Variants in KIAA0825 observed in about 807,000 individuals in gnomAD.
KIAA0825 encodes uncharacterized protein KIAA0825.
A neutral mutation model predicts 147.6 loss-of-function variants in KIAA0825; 119 were observed. The ratio of observed to expected loss-of-function variants is 0.81; its 90% CI spans 0.69 to 0.94. The LOEUF (loss-of-function observed/expected upper bound fraction) is 0.94. Among genes scored for constraint, KIAA0825 ranks in the 40% least tolerant of loss-of-function variants. The pLI is 0.00. For synonymous variants in KIAA0825, 470 were observed against 518.1 expected (o/e 0.91, Z 1.26); for missense variants, 1,381 against 1,472.7 (o/e 0.94, Z 1.02).
chr5:94,226,268 T>G (rs1479917336), intron 20 of KIAA0825, among the ~76,000 whole-genome samples: 1 of 152,078 alleles, frequency 6.6e-6, no homozygotes, highest in African/African-American at 2.4e-5. Context: ...GAAAAAATGC[T>G]CATCATCACT....
At chr5:94,212,661 T>C (rs12108963) in intron 20 of KIAA0825, among the ~76,000 whole-genome samples, 2,243 of 152,262 alleles carry the variant, frequency 0.015, 62 homozygotes, top group African/African-American at 0.05. Flanking sequence ...GCTGCATGTA[T>C]AGTGAATTTG....
intron 20 of KIAA0825, among the ~76,000 whole-genome samples, chr5:94,359,992 A>G (rs1441639990): frequency 6.6e-6 from 1 of 152,214 alleles, no homozygotes; most frequent in African/African-American, 2.4e-5. Flanking sequence ...CACTCAATAT[A>G]AAACTATTTT....
intron 12 of KIAA0825, among the ~76,000 whole-genome samples, chr5:94,453,617 C>T (rs1413243656): frequency 1.3e-5 from 2 of 152,022 alleles, no homozygotes; most frequent in African/African-American, 4.8e-5. Flanking sequence ...TGAAAAACCA[C>T]AAGTTGAGAT....
chr5:94,438,945 G>T (rs1756721132), intron 14 of KIAA0825, among the ~76,000 whole-genome samples: 1 of 152,196 alleles, frequency 6.6e-6, no homozygotes. Context: ...GGGAGCAAGA[G>T]ATTAGCGTTA....
At chr5:94,379,064 C>T (rs1748004903) in intron 20 of KIAA0825, among the ~76,000 whole-genome samples, 1 of 152,114 alleles carries the variant, frequency 6.6e-6, no homozygotes. Flanking sequence ...TTTCTGTTTA[C>T]TCTGATGATA....
chr5:94,433,608 G>C (rs1352089522), intron 14 of KIAA0825, among the ~76,000 whole-genome samples: 1 of 152,122 alleles, frequency 6.6e-6, no homozygotes, highest in Non-Finnish European at 1.5e-5. Flanking sequence ...ATCCTTCTTT[G>C]TCATTTACTA....
At chr5:94,579,773 T>A (rs1383265381) in intron 2 of KIAA0825, among the ~76,000 whole-genome samples, 1 of 152,200 alleles carries the variant, frequency 6.6e-6, no homozygotes, top group Non-Finnish European at 1.5e-5. Context: ...CATTTTAGTT[T>A]AAAAAATTTT....
chr5:94,496,956 C>T (rs1262854883), intron 5 of KIAA0825, among the ~76,000 whole-genome samples: 1 of 152,216 alleles, frequency 6.6e-6, no homozygotes, highest in Non-Finnish European at 1.5e-5. Flanking sequence ...TCCCATGTCT[C>T]ATTTGCTGGC....
intron 5 of KIAA0825, among the ~76,000 whole-genome samples, chr5:94,514,336 G>A: frequency 6.6e-6 from 1 of 151,814 alleles, no homozygotes. Flanking sequence ...GCAAAGTCTT[G>A]GATTTTTTTT....
chr5:94,337,414 C>T (rs1314499456), intron 20 of KIAA0825, among the ~76,000 whole-genome samples: 2 of 152,102 alleles, frequency 1.3e-5, no homozygotes, highest in Admixed American at 6.5e-5. Context: ...CTTACCCTAC[C>T]ACTCATAAAT....
intron 20 of KIAA0825, among the ~76,000 whole-genome samples, chr5:94,301,902 T>C (rs1778425601): frequency 6.6e-6 from 1 of 152,198 alleles, no homozygotes; most frequent in Non-Finnish European, 1.5e-5. Flanking sequence ...TCAAATGAGC[T>C]GGTCTCCTTT....
chr5:94,605,153 T>C (rs1009526329), intron 1 of KIAA0825, among the ~76,000 whole-genome samples: 1 of 152,112 alleles, frequency 6.6e-6, no homozygotes, highest in Non-Finnish European at 1.5e-5. Context: ...GTAAATGAAC[T>C]AGAACATCTA....
chr5:94,391,743 A>G, intron 17 of KIAA0825, 49 bp from the exon 18 acceptor site: 12 of 1,379,304 alleles, frequency 8.7e-6, no homozygotes, highest in Non-Finnish European at 1.2e-5. Flanking sequence ...AATTGTAAAG[A>G]TGGAGAGTAA....
intron 13 of KIAA0825, among the ~76,000 whole-genome samples, chr5:94,443,632 TA>T (rs1401299256): frequency 6.6e-6 from 1 of 152,200 alleles, no homozygotes. Flanking sequence ...ACTATTTTTA[TA>T]AAATCATTGT....
chr5:94,563,775 C>T (rs1264556427), intron 2 of KIAA0825, among the ~76,000 whole-genome samples: 1 of 152,174 alleles, frequency 6.6e-6, no homozygotes, highest in African/African-American at 2.4e-5. Context: ...ACCTCCACCT[C>T]CCGAGTTCAA....
At chr5:94,606,860 T>C (rs1787585914) in intron 1 of KIAA0825, among the ~76,000 whole-genome samples, 1 of 152,056 alleles carries the variant, frequency 6.6e-6, no homozygotes, top group East Asian at 1.9e-4. Context: ...AGGCTTACAG[T>C]CATGGCAGAG....
intron 20 of KIAA0825, among the ~76,000 whole-genome samples, chr5:94,193,017 C>T (rs1484665231): frequency 1.3e-5 from 2 of 152,164 alleles, no homozygotes; most frequent in South Asian, 2.1e-4. Flanking sequence ...CAGTTGATTA[C>T]ATTAAAATGG....
rs74386359 is a variant in KIAA0825, at chr5:94,315,884, T to C, written c.3710+68484A>G. ...AGCATTGTTCAGCTCTTTGTATCTG[T>C]TGTTCACGGTGTTATGTGTCAGAAT... On this transcript the variant is annotated intron_variant, in intron 20 of 20. Coordinates refer to ENST00000682413, the MANE Select transcript of KIAA0825 (RefSeq NM_001145678.3). Among the ~76,000 whole-genome samples the C allele has an allele frequency of 6.5e-3, 982 of 151,828 alleles. 67 individuals carry two copies. In the East Asian group the frequency reaches 0.15, roughly 24 times the overall value.
chr5:94,516,093 A>T (rs186363292), intron 5 of KIAA0825, among the ~76,000 whole-genome samples: 1 of 152,352 alleles, frequency 6.6e-6, no homozygotes, highest in East Asian at 1.9e-4. Context: ...TAAAGTAGAA[A>T]AAAAGTTACC....
Sources: allele counts gnomAD v4.1 joint callset (sites outside exome capture counted in the v4.1 genomes callset), GRCh38; gene constraint gnomAD v4.1.1; transcripts MANE v1.5; gene names NCBI Gene and HGNC (gene_info 2026-07-23, HGNC 2026-07-21).